Variants in DNAH14 observed in about 807,000 individuals in gnomAD.
DNAH14 encodes dynein axonemal heavy chain 14, also known as axonemal beta dynein heavy chain 14.
In DNAH14, 478 loss-of-function variants were observed where a neutral mutation model predicts 520.9. The ratio of observed to expected loss-of-function variants is 0.92; its 90% CI spans 0.85 to 0.99. DNAH14 has a LOEUF of 0.99. Ranked by LOEUF, DNAH14 falls within the 50% of genes least tolerant of loss-of-function variation. The pLI is 0.00. For synonymous variants in DNAH14, 1,581 were observed against 1,757.2 expected (o/e 0.90, Z 2.51); for missense variants, 4,831 against 5,234.5 (o/e 0.92, Z 2.38).
chr1:225,092,729 T>G (rs2074508622), intron 21 of DNAH14, among the ~76,000 whole-genome samples: 1 of 150,610 alleles, frequency 6.6e-6, no homozygotes, highest in African/African-American at 2.4e-5. Flanking sequence ...AAAGACTGAG[T>G]TGAGGAGTTG....
chr1:225,217,326 C>T (rs1335712298), intron 41 of DNAH14, among the ~76,000 whole-genome samples: 3 of 152,176 alleles, frequency 2.0e-5, no homozygotes, highest in Non-Finnish European at 4.4e-5. Context: ...GGAGGTGTCT[C>T]CCAGTTAGGC....
intron 81 of DNAH14, among the ~76,000 whole-genome samples, chr1:225,382,028 C>A (rs1387464276): frequency 6.6e-6 from 1 of 152,188 alleles, no homozygotes; most frequent in Non-Finnish European, 1.5e-5. Context: ...AGGAAATTAA[C>A]AAGCTTGATG....
At position 225,335,513 on chromosome 1, in the gene DNAH14, A is replaced by G. The variant is rs1013984258; in HGVS notation, c.10081-1753A>G. 1.8e-3 allele frequency among the ~76,000 whole-genome samples: 219 copies of G among 124,312 alleles called. 42 individuals are homozygous for G. The highest frequency in any genetic ancestry group is 2.2e-3 in the Non-Finnish European group (127 of 58,034). The allele number at this position is 124,312 out of a possible 152,430, so 81.6% of individuals were successfully genotyped here. A position where few individuals can be genotyped will look rare whatever the true frequency, so the allele number is the denominator to read the frequency against. ...CACGTGTGTACATGTACACATATACATATGTACATATATACATATGTACAT... is the reference window on the plus strand; with the variant it reads ...CACGTGTGTACATGTACACATATACGTATGTACATATATACATATGTACAT... On this transcript the variant is annotated intron_variant, in intron 66 of 85. Coordinates refer to ENST00000682510, the MANE Select transcript of DNAH14 (RefSeq NM_001367479.1).
At chr1:225,295,034 A>G (rs991079535) in intron 55 of DNAH14, among the ~76,000 whole-genome samples, 3 of 152,012 alleles carry the variant, frequency 2.0e-5, no homozygotes, top group Non-Finnish European at 4.4e-5. Flanking sequence ...TAGGTTTTTG[A>G]ATTTATTGAT....
chr1:225,394,906 G>T (rs1428702696), intron 84 of DNAH14, among the ~76,000 whole-genome samples: 1 of 151,016 alleles, frequency 6.6e-6, no homozygotes, highest in East Asian at 1.9e-4. Context: ...AAGTTCTTTT[G>T]GTTCCATATG....
chr1:225,108,007 A>G (rs572623499), intron 23 of DNAH14, among the ~76,000 whole-genome samples: 45 of 152,260 alleles, frequency 3.0e-4, no homozygotes, highest in Non-Finnish European at 2.9e-4. Flanking sequence ...GTTGTTGCCG[A>G]AGGAGATTAA....
Position 224,960,175 on chromosome 1 carries a change from TCAA to T in DNAH14, c.246_248del (p.Gln82del). On this transcript the variant is annotated inframe_deletion, in exon 4 of 86. Coordinates refer to ENST00000682510, the MANE Select transcript of DNAH14 (RefSeq NM_001367479.1). ...CAGATTACCTTAGAGAAAGTATAAT[TCAA>T]CAACATATGGTTTCTCCAGAGCCAG... is the stretch of plus-strand genomic sequence containing the variant. 2 of 1,595,568 alleles carry T rather than the reference TCAA, an allele frequency of 1.3e-6. No homozygotes were observed. The highest frequency in any genetic ancestry group is 1.7e-6 in the Non-Finnish European group (2 of 1,173,992).
chr1:225,255,534 A>G (rs907857658), intron 44 of DNAH14, among the ~76,000 whole-genome samples: 5 of 152,210 alleles, frequency 3.3e-5, no homozygotes, highest in African/African-American at 9.6e-5. Context: ...ATCTGAGGCC[A>G]GATACATTAT....
chr1:225,174,176 G>A (rs1241001366), intron 36 of DNAH14, among the ~76,000 whole-genome samples: 1 of 152,062 alleles, frequency 6.6e-6, no homozygotes, highest in African/African-American at 2.4e-5. Context: ...ACGAGTCGAT[G>A]GGTACAGCAC....
chr1:225,388,497 G>C lies in DNAH14; in HGVS notation c.13190+6G>C. On this transcript the variant is annotated splice_donor_region_variant and intron_variant, in intron 82 of 85. Transcript: ENST00000682510. ...TATACTGCAATACAGCGTCGGTATG[G>C]ATAAAAGATGCTTTACATTTCTTCC... 1 of 1,435,808 alleles carries C rather than the reference G, an allele frequency of 7.0e-7. No homozygotes were observed. Among genetic ancestry groups the C allele is most frequent in the Non-Finnish European group, 9.5e-7 (1 of 1,053,866 alleles). The allele number at this position is 1,435,808 out of a possible 1,614,324, so 88.9% of individuals were successfully genotyped here.
intron 54 of DNAH14, among the ~76,000 whole-genome samples, chr1:225,279,669 A>G (rs1306375887): frequency 2.6e-5 from 4 of 152,160 alleles, no homozygotes; most frequent in African/African-American, 9.6e-5. Context: ...AACTAATATT[A>G]ATTAGTATTT....
At chr1:225,044,268 G>T (rs1483798894) in intron 15 of DNAH14, among the ~76,000 whole-genome samples, 1 of 152,124 alleles carries the variant, frequency 6.6e-6, no homozygotes, top group African/African-American at 2.4e-5. Flanking sequence ...TAATACAAAT[G>T]AGCAAGATCT....
At chr1:225,097,485 C>G (rs1334761255) in intron 22 of DNAH14, among the ~76,000 whole-genome samples, 9 of 152,060 alleles carry the variant, frequency 5.9e-5, no homozygotes, top group Admixed American at 5.9e-4. Context: ...GTTAATACAT[C>G]ATTATTGGCT....
At chr1:225,058,109 C>T (rs992925190) in intron 17 of DNAH14, among the ~76,000 whole-genome samples, 31 of 152,110 alleles carry the variant, frequency 2.0e-4, no homozygotes, top group Non-Finnish European at 4.0e-4. Context: ...GGAATGGTAC[C>T]AGCTCCTCCT....
At chr1:225,001,297 A>G (rs1289314769) in intron 8 of DNAH14, among the ~76,000 whole-genome samples, 2 of 152,086 alleles carry the variant, frequency 1.3e-5, no homozygotes, top group African/African-American at 2.4e-5. Flanking sequence ...CAGAGTTTTT[A>G]GTTGTACTGA....
At chr1:225,187,050 G>C (rs2084852414) in intron 37 of DNAH14, among the ~76,000 whole-genome samples, 2 of 151,188 alleles carry the variant, frequency 1.3e-5, no homozygotes, top group South Asian at 4.2e-4. Context: ...CTTCATCATA[G>C]GAACACTCCT....
At chr1:225,087,064 T>A (rs1257113789) in intron 21 of DNAH14, among the ~76,000 whole-genome samples, 1 of 149,978 alleles carries the variant, frequency 6.7e-6, no homozygotes, top group Middle Eastern at 3.2e-3. Context: ...AAGATGGAGT[T>A]TGGGGACCAG....
rs531943317 is a variant in DNAH14, at chr1:225,369,843, G to A, written c.12318+1811G>A. 2.6e-5 allele frequency among the ~76,000 whole-genome samples: 4 copies of A among 151,970 alleles called. No individual in the cohort carries two copies. In the East Asian group the frequency reaches 7.7e-4, roughly 29 times the overall value. On this transcript the variant is annotated intron_variant, in intron 77 of 85. Coordinates refer to ENST00000682510, the MANE Select transcript of DNAH14 (RefSeq NM_001367479.1). ...TGACCCCTAAAAATCTAAACAACTT[G>A]GATATTAAGAAACATAACTCTAGAT...
At chr1:225,216,946 AG>A (rs2089437379) in intron 41 of DNAH14, among the ~76,000 whole-genome samples, 1 of 152,206 alleles carries the variant, frequency 6.6e-6, no homozygotes, top group East Asian at 1.9e-4. Context: ...GTTGCTGTAG[AG>A]GAGCTTCATT....
Sources: allele counts gnomAD v4.1 joint callset (sites outside exome capture counted in the v4.1 genomes callset), GRCh38; gene constraint gnomAD v4.1.1; transcripts MANE v1.5; gene names NCBI Gene and HGNC (gene_info 2026-07-23, HGNC 2026-07-21).